The following KCNQ5 variants were observed in gnomAD, a reference collection of about 807,000 sequenced individuals.
KCNQ5 encodes potassium voltage-gated channel subfamily Q member 5.
A neutral mutation model predicts 98.2 loss-of-function variants in KCNQ5; 30 were observed. That is an observed-to-expected ratio of 0.31 (90% CI 0.23 to 0.41). The LOEUF is 0.41. Among genes scored for constraint, KCNQ5 ranks in the 10% least tolerant of loss-of-function variants. The pLI is 1.00. For synonymous variants in KCNQ5, 458 were observed against 449.4 expected, an observed-to-expected ratio of 1.02 and a Z score of -0.24; for missense variants, 835 against 1,182.5, an observed-to-expected ratio of 0.71 and a Z score of 4.31.
chr6:73,099,887 TCTC>T (rs1448849574), intron 5 of KCNQ5, among the ~76,000 whole-genome samples: 1 of 152,090 alleles, frequency 6.6e-6, no homozygotes, highest in Non-Finnish European at 1.5e-5. Flanking sequence ...TCCACACACT[TCTC>T]CTAAACACAT....
chr6:72,725,198 T>C (rs1770202412), intron 1 of KCNQ5, among the ~76,000 whole-genome samples: 2 of 152,172 alleles, frequency 1.3e-5, no homozygotes, highest in Non-Finnish European at 2.9e-5. Context: ...TATGAAATTA[T>C]ATTATAATCT....
chr6:73,053,215 G>A (rs1157949618), intron 3 of KCNQ5, among the ~76,000 whole-genome samples: 1 of 152,172 alleles, frequency 6.6e-6, no homozygotes, highest in East Asian at 1.9e-4. Flanking sequence ...AAATAGATAT[G>A]CATCCAAAAC....
At chr6:72,925,263 C>A (rs114465060) in intron 1 of KCNQ5, among the ~76,000 whole-genome samples, 2 of 152,038 alleles carry the variant, frequency 1.3e-5, no homozygotes, top group African/African-American at 4.8e-5. Flanking sequence ...ATATATGGAG[C>A]CTTGGAAATC....
chr6:72,666,888 G>A (rs972172233), intron 1 of KCNQ5, among the ~76,000 whole-genome samples: 2 of 152,024 alleles, frequency 1.3e-5, no homozygotes, highest in Non-Finnish European at 2.9e-5. Flanking sequence ...CAATTAGTAG[G>A]TTATGGTTTC....
At chr6:72,722,462 A>C (rs762778483) in intron 1 of KCNQ5, among the ~76,000 whole-genome samples, 12 of 152,238 alleles carry the variant, frequency 7.9e-5, no homozygotes, top group Admixed American at 5.9e-4. Context: ...CTTTCAAATC[A>C]GAACACCCAG....
intron 1 of KCNQ5, among the ~76,000 whole-genome samples, chr6:72,680,302 C>A (rs1174034679): frequency 6.6e-6 from 1 of 152,088 alleles, no homozygotes; most frequent in Admixed American, 6.5e-5. Flanking sequence ...GCCCTTTGTG[C>A]CTTTTCTTTC....
At chr6:73,011,135 G>A (rs1025272365) in intron 2 of KCNQ5, among the ~76,000 whole-genome samples, 1 of 152,056 alleles carries the variant, frequency 6.6e-6, no homozygotes, top group African/African-American at 2.4e-5. Context: ...CAAAGCTACA[G>A]TAATCAATCA....
intron 9 of KCNQ5, chr6:73,129,759 T>G: frequency 6.3e-7 from 1 of 1,582,176 alleles, no homozygotes; most frequent in Middle Eastern, 1.7e-4. Context: ...GTGAAATGCT[T>G]AGTAATGTGC....
At chr6:72,787,235 G>A (rs1034814771) in intron 1 of KCNQ5, among the ~76,000 whole-genome samples, 2 of 152,034 alleles carry the variant, frequency 1.3e-5, no homozygotes, top group Admixed American at 1.3e-4. Context: ...GATGAAAATT[G>A]TACAAAATTC....
chr6:72,822,110 A>G (rs1391625903), intron 1 of KCNQ5, among the ~76,000 whole-genome samples: 1 of 152,052 alleles, frequency 6.6e-6, no homozygotes, highest in Non-Finnish European at 1.5e-5. Flanking sequence ...CTTTGAAAAT[A>G]TCTCTGGCAT....
chr6:73,062,456 T>C (rs1772822194), intron 3 of KCNQ5, among the ~76,000 whole-genome samples: 2 of 151,976 alleles, frequency 1.3e-5, no homozygotes, highest in Admixed American at 1.3e-4. Context: ...ATTGAATGAA[T>C]AAAAAATTGA....
At chr6:72,943,452 G>A (rs1766400125) in intron 1 of KCNQ5, among the ~76,000 whole-genome samples, 1 of 152,032 alleles carries the variant, frequency 6.6e-6, no homozygotes, top group African/African-American at 2.4e-5. Flanking sequence ...TCAGGCAACT[G>A]GGTTAATAAT....
intron 1 of KCNQ5, among the ~76,000 whole-genome samples, chr6:72,995,012 A>G (rs552303716): frequency 6.6e-6 from 1 of 152,320 alleles, no homozygotes; most frequent in African/African-American, 2.4e-5. Flanking sequence ...GGCTTTGTAT[A>G]TTGATAAGCT....
At chr6:73,016,469 A>G (rs1388191675) in intron 2 of KCNQ5, among the ~76,000 whole-genome samples, 2 of 152,248 alleles carry the variant, frequency 1.3e-5, no homozygotes, top group East Asian at 1.9e-4. Flanking sequence ...GTTGGTGGCA[A>G]ATCATCAGTA....
intron 1 of KCNQ5, among the ~76,000 whole-genome samples, chr6:72,962,806 G>A (rs1767438301): frequency 6.6e-6 from 1 of 152,116 alleles, no homozygotes. Flanking sequence ...GCTTCTCAAG[G>A]CCACACACTG....
chr6:72,689,383 C>T (rs561530581), intron 1 of KCNQ5, among the ~76,000 whole-genome samples: 1 of 152,346 alleles, frequency 6.6e-6, no homozygotes, highest in East Asian at 1.9e-4. Context: ...TCTCAAGCAA[C>T]ATCCCTAACT....
chr6:72,939,189 C>T (rs1197100542), intron 1 of KCNQ5, among the ~76,000 whole-genome samples: 1 of 152,104 alleles, frequency 6.6e-6, no homozygotes, highest in Non-Finnish European at 1.5e-5. Context: ...AGCGTCTGTG[C>T]CCTGGCACAC....
chr6:72,857,259 A>G (rs1777571154), intron 1 of KCNQ5, among the ~76,000 whole-genome samples: 1 of 152,240 alleles, frequency 6.6e-6, no homozygotes, highest in Non-Finnish European at 1.5e-5. Flanking sequence ...TACTAAACAA[A>G]TCTTCATTTT....
At chr6:73,131,420 T>C (rs545261861) in intron 9 of KCNQ5, among the ~76,000 whole-genome samples, 195 of 152,272 alleles carry the variant, frequency 1.3e-3, no homozygotes, top group South Asian at 4.8e-3. Context: ...GAAAAGGTAA[T>C]AGATAAAATC....
Sources: allele counts gnomAD v4.1 joint callset (sites outside exome capture counted in the v4.1 genomes callset), GRCh38; gene constraint gnomAD v4.1.1; transcripts MANE v1.5; gene names NCBI Gene and HGNC (gene_info 2026-07-23, HGNC 2026-07-21).